Variants in HYDIN observed in about 807,000 individuals in gnomAD.
HYDIN encodes the protein axonemal central pair apparatus protein HYDIN.
Under a neutral mutation model 403.9 loss-of-function variants are expected in HYDIN, and 132 were observed. The observed-to-expected ratio is 0.33, with a 90% CI of 0.28 to 0.38. The LOEUF (loss-of-function observed/expected upper bound fraction) is 0.38. Ranked by LOEUF, HYDIN falls within the 10% of genes least tolerant of loss-of-function variation. The pLI, the probability that HYDIN is intolerant of heterozygous loss-of-function variation, is 1.00. For synonymous variants in HYDIN, 1,202 were observed against 1,891.7 expected, an observed-to-expected ratio of 0.64 and a Z score of 9.46; for missense variants, 2,827 against 5,009.5, an observed-to-expected ratio of 0.56 and a Z score of 13.15.
chr16:71,223,397 T>A (rs2040886684), intron 1 of HYDIN, among the ~76,000 whole-genome samples: 2 of 152,162 alleles, frequency 1.3e-5, no homozygotes, highest in South Asian at 4.1e-4. Context: ...GAAAAACTCT[T>A]CTTCTGGCAT....
rs1418692409 is a variant in HYDIN at position 70,802,764 on chromosome 16, C to T, written c.*4816G>A. On this transcript the variant is annotated 3_prime_UTR_variant, in exon 86 of 86. Coordinates refer to ENST00000393567, the MANE Select transcript of HYDIN (RefSeq NM_001270974.2). ...AATGAATACAAAGGCTAATCCAAAACTCGGCAAGTCATGGATATATCATGT... is the reference window on the plus strand; with the variant it reads ...AATGAATACAAAGGCTAATCCAAAATTCGGCAAGTCATGGATATATCATGT... 1.3e-5 allele frequency: 2 copies of T among 152,172 alleles called. No homozygotes were observed. The highest frequency in any genetic ancestry group is 1.9e-4 in the East Asian group (1 of 5,202). The allele number at this position is 152,172 out of a possible 1,614,324, so 9.4% of individuals were successfully genotyped here.
chr16:71,048,266 A>G (rs1597638480), intron 18 of HYDIN, among the ~76,000 whole-genome samples: 1 of 148,686 alleles, frequency 6.7e-6, no homozygotes, highest in East Asian at 2.0e-4. Context: ...GGTTGGTTCC[A>G]CATCTTGGCT....
intron 9 of HYDIN, among the ~76,000 whole-genome samples, chr16:71,126,495 C>A (rs937350213): frequency 1.6e-4 from 25 of 152,158 alleles, no homozygotes; most frequent in Admixed American, 8.5e-4. Context: ...CTGAGCTGGG[C>A]TGAGGCAGGG....
Position 70,833,924 on chromosome 16 carries a change from G to C in HYDIN, c.13642C>G (p.Arg4548Gly). Residue 4548 changes from arginine (R) to glycine (G), a missense_variant, in exon 79 of 86, where the codon CGC becomes GGC. By Grantham distance (125) the Arg-to-Gly change is moderately radical. Transcript: ENST00000393567. ...TCGCCTGTGTTCATCATGAGGATGC[G>C]ACGTGTGGCTTGCGTCTGATACACC... ...PVVYQTQATR[R>G]ILMMNTGDVG... The C allele has an allele frequency of 6.2e-7, 1 of 1,613,714 alleles. No individual in the cohort carries two copies.
chr16:71,120,048 C>A (rs927450766), intron 9 of HYDIN, among the ~76,000 whole-genome samples: 1 of 151,750 alleles, frequency 6.6e-6, no homozygotes, highest in Admixed American at 6.6e-5. Context: ...CCCAGTTCTA[C>A]AAAACCTGCC....
chr16:70,936,853 G>C (rs1212132528), intron 44 of HYDIN, among the ~76,000 whole-genome samples: 2 of 151,274 alleles, frequency 1.3e-5, no homozygotes, highest in Non-Finnish European at 3.0e-5. Flanking sequence ...TTTCAAAGCA[G>C]TTTCTATGGT....
At chr16:70,944,862 C>T (rs1295953135) in intron 41 of HYDIN, among the ~76,000 whole-genome samples, 1 of 152,222 alleles carries the variant, frequency 6.6e-6, no homozygotes. Context: ...AAGTGATTCT[C>T]CTGCCTCAGT....
At chr16:70,832,800 G>A in intron 80 of HYDIN, 48 bp downstream of exon 80, 6 of 1,513,420 alleles carry the variant, frequency 4.0e-6, no homozygotes, top group Non-Finnish European at 5.5e-6. Flanking sequence ...GAGTTCACTT[G>A]CTGGGGTCAC....
chr16:71,227,230 T>G (rs2041075350), intron 1 of HYDIN, among the ~76,000 whole-genome samples: 1 of 151,970 alleles, frequency 6.6e-6, no homozygotes, highest in Non-Finnish European at 1.5e-5. Flanking sequence ...TTCACCAAAC[T>G]TCTTCACCAA....
At chr16:70,831,522 A>C (rs2036988170) in intron 80 of HYDIN, among the ~76,000 whole-genome samples, 1 of 146,626 alleles carries the variant, frequency 6.8e-6, no homozygotes, top group African/African-American at 2.7e-5. Flanking sequence ...AAAAAAAAAA[A>C]AAAAACCAAA....
chr16:71,201,462 G>A (rs534079420), intron 1 of HYDIN, among the ~76,000 whole-genome samples: 2 of 152,218 alleles, frequency 1.3e-5, no homozygotes, highest in African/African-American at 4.8e-5. Context: ...GTTTCCCTAA[G>A]GAAACCCCTC....
intron 45 of HYDIN, among the ~76,000 whole-genome samples, chr16:70,932,380 C>A (rs2077370038): frequency 6.6e-6 from 1 of 151,976 alleles, no homozygotes; most frequent in African/African-American, 2.4e-5. Context: ...AAAAAATAAA[C>A]AAAAACATAC....
chr16:71,226,945 C>G (rs1445271311), intron 1 of HYDIN, among the ~76,000 whole-genome samples: 1 of 152,012 alleles, frequency 6.6e-6, no homozygotes, highest in Non-Finnish European at 1.5e-5. Flanking sequence ...GCTGCAGCAC[C>G]CAAATAAAGC....
chr16:70,926,396 G>A (rs1467058620), intron 45 of HYDIN, among the ~76,000 whole-genome samples: 1 of 151,910 alleles, frequency 6.6e-6, no homozygotes, highest in East Asian at 1.9e-4. Flanking sequence ...TCACTCATAG[G>A]TGGGAACTGA....
intron 83 of HYDIN, among the ~76,000 whole-genome samples, chr16:70,825,217 T>C (rs2036518653): frequency 6.6e-6 from 1 of 152,254 alleles, no homozygotes; most frequent in Non-Finnish European, 1.5e-5. Context: ...AGAAGTCTTA[T>C]GTTACCATGA....
At chr16:71,137,655 T>C (rs1413056161) in intron 7 of HYDIN, among the ~76,000 whole-genome samples, 2 of 152,158 alleles carry the variant, frequency 1.3e-5, no homozygotes, top group Non-Finnish European at 2.9e-5. Context: ...TCCTACAGCC[T>C]GACCAGGAGA....
chr16:71,134,836 A>C (rs1280941257), intron 8 of HYDIN, among the ~76,000 whole-genome samples: 1 of 152,188 alleles, frequency 6.6e-6, no homozygotes, highest in African/African-American at 2.4e-5. Context: ...GGCTGTATCG[A>C]GGAACAATGG....
intron 70 of HYDIN, among the ~76,000 whole-genome samples, 183 bp from the exon 71 acceptor site, chr16:70,860,389 C>T (rs1410994059): frequency 2.8e-5 from 4 of 143,928 alleles, no homozygotes; most frequent in Non-Finnish European, 5.9e-5. Context: ...GGGTAGGGTT[C>T]TGGACTTTGG....
At chr16:71,115,471 C>T (rs1273664562) in intron 10 of HYDIN, among the ~76,000 whole-genome samples, 1 of 152,226 alleles carries the variant, frequency 6.6e-6, no homozygotes. Flanking sequence ...ATTTCCTCCA[C>T]ATGCCACCAT....
Sources: gnomAD v4.1 joint callset for allele counts (sites outside exome capture counted in the v4.1 genomes callset) on GRCh38, gnomAD v4.1.1 for gene constraint, MANE v1.5 for transcripts, NCBI Gene and HGNC (gene_info 2026-07-23, HGNC 2026-07-21) for gene names.